The following SH3RF3 variants were observed in gnomAD, a reference collection of about 807,000 sequenced individuals.
SH3RF3 encodes SH3 domain containing ring finger 3, also known as E3 ubiquitin-protein ligase SH3RF3.
Under a neutral mutation model 66.3 loss-of-function variants are expected in SH3RF3, and 29 were observed. The observed-to-expected ratio is 0.44, with a 90% CI of 0.33 to 0.60. The LOEUF is 0.60. Among genes scored for constraint, SH3RF3 ranks in the 20% least tolerant of loss-of-function variants. SH3RF3 has a pLI of 0.04. For missense variants in SH3RF3, 1,194 were observed against 1,190.9 expected, an observed-to-expected ratio of 1.00 and a Z score of -0.04; for synonymous variants, 583 against 532.0, an observed-to-expected ratio of 1.10 and a Z score of -1.32.
At chr2:109,288,085 A>G (rs1194387203) in intron 1 of SH3RF3, among the ~76,000 whole-genome samples, 1 of 152,240 alleles carries the variant, frequency 6.6e-6, no homozygotes, top group African/African-American at 2.4e-5. Context: ...ATATAGTCTC[A>G]TGCCCTGAAG....
chr2:109,454,580 G>C (rs1033281266), intron 8 of SH3RF3, among the ~76,000 whole-genome samples: 3 of 152,178 alleles, frequency 2.0e-5, no homozygotes, highest in African/African-American at 4.8e-5. Flanking sequence ...GTTCCCCAAG[G>C]CTCTGGCCTG....
chr2:109,129,681 C>T lies in SH3RF3; in HGVS notation c.141C>T (p.Asp47=), dbSNP rs1676637025. 2.6e-6 allele frequency: 4 copies of T among 1,524,392 alleles called. No individual in the cohort carries two copies. Among genetic ancestry groups the T allele is most frequent in the African/African-American group, 2.8e-5 (2 of 70,618 alleles). The allele number at this position is 1,524,392 out of a possible 1,614,324, so 94.4% of individuals were successfully genotyped here. A position where few individuals can be genotyped will look rare whatever the true frequency, so the allele number is the denominator to read the frequency against. The part of the protein sequence containing the change: ...ATAAGAGEDM[D]ESSLLDLLEC... ...CCGCGGGGGCGGGCGAGGACATGGA[C>T]GAGTCGTCGCTGCTGGACCTGCTGG... The change falls in exon 1 of 10, where the codon GAC becomes GAT. Residue 47 remains aspartate (D), a synonymous_variant. Coordinates refer to ENST00000309415, the MANE Select transcript of SH3RF3 (RefSeq NM_001099289.3).
chr2:109,430,959 G>T (rs1282269560), intron 5 of SH3RF3, among the ~76,000 whole-genome samples: 1 of 152,220 alleles, frequency 6.6e-6, no homozygotes, highest in Non-Finnish European at 1.5e-5. Context: ...TTGAATGAGG[G>T]CAGAGGGCCT....
At chr2:109,306,523 C>T (rs983552847) in intron 1 of SH3RF3, among the ~76,000 whole-genome samples, 9 of 152,214 alleles carry the variant, frequency 5.9e-5, no homozygotes, top group Admixed American at 2.6e-4. Flanking sequence ...TGTACATCTC[C>T]GACCTGCCCT....
intron 1 of SH3RF3, among the ~76,000 whole-genome samples, chr2:109,341,899 A>T (rs558759842): frequency 6.6e-6 from 1 of 152,208 alleles, no homozygotes; most frequent in African/African-American, 2.4e-5. Context: ...GCTTGATCTC[A>T]GTTGAAATTT....
chr2:109,351,703 A>C (rs769213410), intron 2 of SH3RF3, among the ~76,000 whole-genome samples: 11 of 152,142 alleles, frequency 7.2e-5, no homozygotes, highest in Admixed American at 1.3e-4. Context: ...TTTGCACATG[A>C]CTGCAGCGGG....
Position 109,398,739 on chromosome 2 carries a change from C to G in SH3RF3, c.1095C>G (p.Ala365=). ...TAAGCAGCTCAGGGGCGGTCAGTGC[C>G]TTTCAGCGGCGTGTGGATGGCAAGA... ...PTLSSSGAVS[A]FQRRVDGKKN... is the part of the protein sequence containing the mutation. The change falls in exon 4 of 10, where the codon GCC becomes GCG. Residue 365 remains alanine (A), a synonymous_variant. Coordinates refer to ENST00000309415, the MANE Select transcript of SH3RF3 (RefSeq NM_001099289.3). 12 of 1,613,506 alleles carry G rather than the reference C, an allele frequency of 7.4e-6. No homozygotes were observed. Among genetic ancestry groups the G allele is most frequent in the Non-Finnish European group, 1.0e-5 (12 of 1,179,726 alleles).
chr2:109,312,940 G>A (rs541444966), intron 1 of SH3RF3, among the ~76,000 whole-genome samples: 1 of 152,136 alleles, frequency 6.6e-6, no homozygotes, highest in Non-Finnish European at 1.5e-5. Flanking sequence ...TTGAAGAGCC[G>A]CCCTATGTTT....
intron 1 of SH3RF3, among the ~76,000 whole-genome samples, chr2:109,208,558 C>G (rs1678894440): frequency 6.6e-6 from 1 of 152,212 alleles, no homozygotes; most frequent in African/African-American, 2.4e-5. Context: ...ACCAACCGAC[C>G]CACCTGCAGC....
At chr2:109,392,357 G>A (rs1676021515) in intron 3 of SH3RF3, among the ~76,000 whole-genome samples, 1 of 152,164 alleles carries the variant, frequency 6.6e-6, no homozygotes, top group South Asian at 2.1e-4. Context: ...TGTGTAACTT[G>A]GAACAGGTCA....
At chr2:109,472,577 G>A (rs1314774959) in intron 8 of SH3RF3, among the ~76,000 whole-genome samples, 1 of 152,156 alleles carries the variant, frequency 6.6e-6, no homozygotes, top group Admixed American at 6.5e-5. Flanking sequence ...GCTGCCTTCT[G>A]GTTGGATGAA....
intron 4 of SH3RF3, among the ~76,000 whole-genome samples, chr2:109,413,140 A>C (rs1370960413): frequency 6.6e-6 from 1 of 152,162 alleles, no homozygotes; most frequent in Non-Finnish European, 1.5e-5. Context: ...TTTGAGATAG[A>C]GTCTTGCTCT....
chr2:109,211,529 C>T (rs924590143), intron 1 of SH3RF3, among the ~76,000 whole-genome samples: 3 of 152,166 alleles, frequency 2.0e-5, no homozygotes, highest in South Asian at 2.1e-4. Context: ...CCAGTAGGAG[C>T]GGATCAGCAA....
At chr2:109,251,753 T>TAATTATTACAA in intron 1 of SH3RF3, 1 of 603,746 alleles carries the variant, frequency 1.7e-6, no homozygotes, top group East Asian at 2.8e-5. Context: ...GACTTTTTGT[T>TAATTATTACAA]AAATAAACTT....
intron 8 of SH3RF3, among the ~76,000 whole-genome samples, chr2:109,488,807 C>T (rs1358878448): frequency 6.6e-6 from 1 of 152,234 alleles, no homozygotes; most frequent in Non-Finnish European, 1.5e-5. Context: ...TGCTCACAAC[C>T]TCCAGGGCCT....
intron 1 of SH3RF3, among the ~76,000 whole-genome samples, chr2:109,173,304 G>A (rs759367506): frequency 6.6e-6 from 1 of 152,078 alleles, no homozygotes. Flanking sequence ...CTGCACTTGC[G>A]TTTTCTCCTC....
chr2:109,442,012 T>C (rs917342557), intron 7 of SH3RF3, among the ~76,000 whole-genome samples: 3 of 152,134 alleles, frequency 2.0e-5, no homozygotes, highest in Non-Finnish European at 4.4e-5. Context: ...ATTTTGTCTC[T>C]AATAAATCCA....
chr2:109,373,906 G>A (rs1246889496), intron 3 of SH3RF3, among the ~76,000 whole-genome samples: 1 of 152,102 alleles, frequency 6.6e-6, no homozygotes, highest in Non-Finnish European at 1.5e-5. Flanking sequence ...GCACCATTGG[G>A]AGTCCGCAAG....
chr2:109,433,895 C>G (rs13387401), intron 6 of SH3RF3, among the ~76,000 whole-genome samples: 3,951 of 152,310 alleles, frequency 0.026, 165 homozygotes, highest in African/African-American at 0.089. Context: ...CCCCCTCAAA[C>G]CCAGCCACCT....
Sources: gnomAD v4.1 joint callset for allele counts (sites outside exome capture counted in the v4.1 genomes callset) on GRCh38, gnomAD v4.1.1 for gene constraint, MANE v1.5 for transcripts, NCBI Gene and HGNC (gene_info 2026-07-23, HGNC 2026-07-21) for gene names.